AGBL1: variants seen among roughly 807,000 people sequenced by gnomAD.
AGBL1 encodes the protein cytosolic carboxypeptidase 4.
A neutral mutation model predicts 118.9 loss-of-function variants in AGBL1; 130 were observed. That is an observed-to-expected ratio of 1.09 (90% CI 0.95 to 1.26). AGBL1 has a LOEUF of 1.26. AGBL1 is among the 50% of genes most tolerant of loss of function. The pLI is 0.00. For synonymous variants in AGBL1, 555 were observed against 478.9 expected (o/e 1.16, Z -2.08); for missense variants, 1,584 against 1,298.1 (o/e 1.22, Z -3.38).
In AGBL1 at chr15:86,429,410, G is replaced by C. The variant is rs142887001; in HGVS notation, c.2555+31864G>C. 3.2e-3 allele frequency among the ~76,000 whole-genome samples: 480 copies of C among 152,256 alleles called. 1 individual carries two copies. Among genetic ancestry groups the C allele is most frequent in the African/African-American group, 0.011 (454 of 41,544 alleles). On this transcript the variant is annotated intron_variant, in intron 18 of 22. Coordinates refer to ENST00000614907, the MANE Select transcript of AGBL1 (RefSeq NM_001386094.1). ...ATGATGAATAGAAAAGAATAAGAAA[G>C]CTGTGATTTTTCTTCGAAAGTAAAA...
At chr15:86,698,846 G>T (rs1596380860) in intron 22 of AGBL1, among the ~76,000 whole-genome samples, 1 of 151,854 alleles carries the variant, frequency 6.6e-6, no homozygotes, top group Admixed American at 6.6e-5. Flanking sequence ...ATATTGTGAA[G>T]GTTGTAGGTT....
chr15:86,688,909 T>A (rs1393324119), intron 22 of AGBL1, among the ~76,000 whole-genome samples: 1 of 152,152 alleles, frequency 6.6e-6, no homozygotes. Context: ...ACTTGCTTTC[T>A]GTCCCTAAAT....
intron 1 of AGBL1, among the ~76,000 whole-genome samples, chr15:86,088,552 T>C (rs544044459): frequency 1.8e-4 from 28 of 152,310 alleles, no homozygotes; most frequent in African/African-American, 6.5e-4. Flanking sequence ...ATGCAGATAA[T>C]GGTCTGCATT....
At chr15:86,707,770 T>C (rs1413088783) in intron 22 of AGBL1, among the ~76,000 whole-genome samples, 4 of 152,166 alleles carry the variant, frequency 2.6e-5, no homozygotes. Context: ...ACTATTGTTA[T>C]CATGAGATCT....
At chr15:86,602,952 T>A (rs958483400) in intron 21 of AGBL1, among the ~76,000 whole-genome samples, 6 of 152,166 alleles carry the variant, frequency 3.9e-5, no homozygotes, top group Non-Finnish European at 7.3e-5. Context: ...AAATCAGGCC[T>A]CTCACCCTGG....
At chr15:86,453,621 T>C (rs1342528799) in intron 18 of AGBL1, among the ~76,000 whole-genome samples, 1 of 152,210 alleles carries the variant, frequency 6.6e-6, no homozygotes, top group East Asian at 1.9e-4. Flanking sequence ...TTTTAGAGTT[T>C]TCTCATCCGT....
chr15:86,745,472 G>A (rs2077742428), intron 22 of AGBL1, among the ~76,000 whole-genome samples: 2 of 151,940 alleles, frequency 1.3e-5, no homozygotes. Context: ...CTAAAAAGGA[G>A]GTGCAGAGAA....
chr15:86,105,653 T>A (rs1002459066), intron 1 of AGBL1, among the ~76,000 whole-genome samples: 10 of 152,220 alleles, frequency 6.6e-5, no homozygotes. Flanking sequence ...CTTTTTCTAT[T>A]TTCCGGGTCA....
At chr15:86,715,035 C>G (rs1267106188) in intron 22 of AGBL1, among the ~76,000 whole-genome samples, 2 of 152,194 alleles carry the variant, frequency 1.3e-5, no homozygotes, top group Non-Finnish European at 2.9e-5. Context: ...CACCATGCCT[C>G]TGTACTCCCT....
At chr15:87,027,372 G>A (rs747637877) in intron 24 of AGBL1, among the ~76,000 whole-genome samples, 12 of 151,882 alleles carry the variant, frequency 7.9e-5, no homozygotes, top group Non-Finnish European at 1.5e-4. Context: ...ACATCGTGGT[G>A]ATTCCTCAAA....
At chr15:86,894,483 T>G (rs533515327) in intron 22 of AGBL1, among the ~76,000 whole-genome samples, 1 of 152,170 alleles carries the variant, frequency 6.6e-6, no homozygotes, top group Non-Finnish European at 1.5e-5. Context: ...CTCTCTGGCA[T>G]GTAGAATGCT....
Position 86,167,991 on chromosome 15 carries a change from A to G in AGBL1, c.488+8965A>G, listed in dbSNP as rs528113156. Among the ~76,000 whole-genome samples, 3 of 152,366 alleles carry G rather than the reference A, an allele frequency of 2.0e-5. No individual in the cohort carries two copies. In the South Asian group the frequency reaches 6.2e-4, roughly 32 times the overall value. On this transcript the variant is annotated intron_variant, in intron 5 of 22. Transcript: ENST00000614907. ...GAGATCAGGTCTGAGTTTCTTTCATATGGTGCATCATAGGTATTCAATAAA... is the reference window on the plus strand; with the variant it reads ...GAGATCAGGTCTGAGTTTCTTTCATGTGGTGCATCATAGGTATTCAATAAA...
At chr15:86,510,234 A>T (rs1050300069) in intron 18 of AGBL1, among the ~76,000 whole-genome samples, 1 of 152,134 alleles carries the variant, frequency 6.6e-6, no homozygotes, top group East Asian at 1.9e-4. Context: ...ACATCCTCTA[A>T]AGAAAGCATA....
At chr15:86,583,707 G>A (rs1362088001) in intron 21 of AGBL1, among the ~76,000 whole-genome samples, 2 of 152,106 alleles carry the variant, frequency 1.3e-5, no homozygotes, top group Non-Finnish European at 2.9e-5. Flanking sequence ...TATGTACCCA[G>A]TAATGGAATT....
At chr15:86,685,998 C>T (rs1167020986) in intron 22 of AGBL1, among the ~76,000 whole-genome samples, 3 of 152,142 alleles carry the variant, frequency 2.0e-5, no homozygotes, top group Non-Finnish European at 4.4e-5. Context: ...ATGATCTAAA[C>T]TTTTCACCCA....
intron 22 of AGBL1, among the ~76,000 whole-genome samples, chr15:86,724,079 CA>C (rs1338820229): frequency 1.3e-5 from 2 of 151,580 alleles, no homozygotes; most frequent in African/African-American, 4.8e-5. Flanking sequence ...AATAAAAATA[CA>C]AAAAAATTAG....
At position 86,674,257 on chromosome 15, in the gene AGBL1, T is replaced by C. The variant is rs11853730; in HGVS notation, c.2995-16T>C. 864,594 of 1,597,324 alleles carry C rather than the reference T, an allele frequency of 0.54. 238,591 individuals carry two copies. The highest frequency in any genetic ancestry group is 0.57 in the Non-Finnish European group (669,431 of 1,169,138). On this transcript the variant is annotated splice_polypyrimidine_tract_variant and intron_variant, in intron 21 of 22. Coordinates refer to ENST00000614907, the MANE Select transcript of AGBL1 (RefSeq NM_001386094.1). ...CATTATACGTTGCCACAGTTAATGC[T>C]TTGTTTAACTGGCAGGGTCTACAGT...
At chr15:86,161,068 T>G (rs2077261386) in intron 5 of AGBL1, among the ~76,000 whole-genome samples, 1 of 152,180 alleles carries the variant, frequency 6.6e-6, no homozygotes, top group African/African-American at 2.4e-5. Flanking sequence ...GATCAAAGTG[T>G]CAGAGGCAAG....
chr15:86,852,943 G>C lies in AGBL1; in HGVS notation c.3159-54144G>C, dbSNP rs543354888. Among the ~76,000 whole-genome samples the C allele has an allele frequency of 2.0e-5, 3 of 152,290 alleles. No individual in the cohort carries two copies. The South Asian group carries it at 6.2e-4, about 32-fold the overall frequency. ...TCTCTGGGCACGAGGCTCAGGCTTC[G>C]TTGTTTTTAAAGCTTCCCAGGTGAA... On this transcript the variant is annotated intron_variant, in intron 22 of 22. Coordinates refer to ENST00000614907, the MANE Select transcript of AGBL1 (RefSeq NM_001386094.1).
Sources: gnomAD v4.1 joint callset for allele counts (sites outside exome capture counted in the v4.1 genomes callset) on GRCh38, gnomAD v4.1.1 for gene constraint, MANE v1.5 for transcripts, NCBI Gene and HGNC (gene_info 2026-07-23, HGNC 2026-07-21) for gene names.